Variants in CLCN5 observed in about 807,000 individuals in gnomAD.
The protein encoded by CLCN5 is H(+)/Cl(-) exchange transporter 5.
In CLCN5, 17 loss-of-function variants were observed where a neutral mutation model predicts 54.0. The ratio of observed to expected loss-of-function variants is 0.31; its 90% CI spans 0.22 to 0.47. The LOEUF (loss-of-function observed/expected upper bound fraction) is 0.47, where lower values mean the gene tolerates loss of function less well. Among genes scored for constraint, CLCN5 ranks in the 20% least tolerant of loss-of-function variants. The pLI is 1.00. For missense variants in CLCN5, 448 were observed against 646.7 expected (o/e 0.69, Z 3.33); for synonymous variants, 222 against 233.0 (o/e 0.95, Z 0.43).
At chrX:50,027,765 T>A (rs1199615571) in intron 3 of CLCN5, among the ~76,000 whole-genome samples, 1 of 110,321 alleles carries the variant, frequency 9.1e-6, no homozygotes, top group Admixed American at 9.7e-5. Flanking sequence ...TTGTATTTTT[T>A]TGTTGAAAGC....
rs781888075 is a variant in CLCN5 at position 50,007,397 on chromosome X, T to TTCTCTCTCTCTCTC, written c.17-34891_17-34878dup. On this transcript the variant is annotated intron_variant, in intron 3 of 14. Transcript: ENST00000376091. ...ATTTTCTGTCTCTCTCTCTCTCTCT[T>TTCTCTCTCTCTCTC]TCTCTCTCTCTCTCTCTCTCTCTCT... 1.7e-4 allele frequency among the ~76,000 whole-genome samples: 11 copies of TTCTCTCTCTCTCTC among 64,411 alleles called. No individual in the cohort carries two copies. In the East Asian group the frequency reaches 2.6e-3, roughly 15 times the overall value. The allele number at this position is 64,411 out of a possible 115,157, so 55.9% of individuals were successfully genotyped here.
At chrX:50,084,632 C>T (rs1414549736) in intron 9 of CLCN5, among the ~76,000 whole-genome samples, 1 of 112,000 alleles carries the variant, frequency 8.9e-6, no homozygotes, top group Non-Finnish European at 1.9e-5. Flanking sequence ...GATCCTCCTG[C>T]CTCAGCCTCC....
intron 3 of CLCN5, among the ~76,000 whole-genome samples, chrX:49,967,660 G>A (rs1477673714): frequency 1.2e-4 from 4 of 33,743 alleles, no homozygotes; most frequent in African/African-American, 1.1e-3. Context: ...TTGATGGGAC[G>A]TATTTCAAAA....
chrX:49,947,763 G>A (rs782125677), intron 3 of CLCN5, among the ~76,000 whole-genome samples: 4 of 110,660 alleles, frequency 3.6e-5, no homozygotes, highest in Admixed American at 9.6e-5. Context: ...TCTGGTCTTC[G>A]TTTGCTGTAT....
At chrX:49,987,637 G>A (rs1929048202) in intron 3 of CLCN5, among the ~76,000 whole-genome samples, 1 of 111,823 alleles carries the variant, frequency 8.9e-6, no homozygotes, top group South Asian at 3.8e-4. Context: ...GACCACTGGT[G>A]TTGTAATTGT....
chrX:50,069,559 T>TA, intron 4 of CLCN5: 2 of 795,139 alleles, frequency 2.5e-6, no homozygotes, highest in Non-Finnish European at 3.0e-6. Flanking sequence ...TAAACTGAAA[T>TA]ACCTAAGCTG....
At chrX:49,952,014 G>A (rs1569537108) in intron 3 of CLCN5, among the ~76,000 whole-genome samples, 3 of 112,428 alleles carry the variant, frequency 2.7e-5, no homozygotes, top group Non-Finnish European at 5.6e-5. Flanking sequence ...ACATATGCCT[G>A]TGCATATGTT....
Position 49,942,150 on chromosome X carries a change from T to TCAATA in CLCN5, c.16+16836_16+16837insCAATA, listed in dbSNP as rs1188795940. Among the ~76,000 whole-genome samples the TCAATA allele has an allele frequency of 2.0e-4, 14 of 71,309 alleles. 1 individual carries two copies. The highest frequency in any genetic ancestry group is 7.7e-4 in the African/African-American group (14 of 18,146). 61.9% of individuals were successfully genotyped at this position (71,309 alleles called of 115,157 possible). A position where few individuals can be genotyped will look rare whatever the true frequency, so the allele number is the denominator to read the frequency against. ...TTTTTAATCTTGATTAATGTTAAAT[T>TCAATA]AGAATGAATTCGAGTGGCATTCTTG... On this transcript the variant is annotated intron_variant, in intron 3 of 14. Coordinates refer to ENST00000376091, the MANE Select transcript of CLCN5 (RefSeq NM_001127898.4).
At chrX:49,966,604 T>A (rs1431838494) in intron 3 of CLCN5, among the ~76,000 whole-genome samples, 37 of 19,334 alleles carry the variant, frequency 1.9e-3, no homozygotes, top group Admixed American at 5.5e-3. Context: ...TTTTTTTTTT[T>A]TTTTTTTATT....
chrX:50,090,104 A>G lies in CLCN5; in HGVS notation c.1745-12A>G. The stretch of plus-strand genomic sequence containing the variant: ...TTGCCTACCTGAGTAGACTGTGTCT[A>G]TTTCTTTGCAGGTGGGGTGACTCGG... On this transcript the variant is annotated splice_polypyrimidine_tract_variant and intron_variant, in intron 12 of 14. Transcript: ENST00000376091. The G allele has an allele frequency of 3.3e-6, 4 of 1,208,777 alleles. No individual in the cohort carries two copies. The highest frequency in any genetic ancestry group is 1.7e-5 in the African/African-American group (1 of 57,591).
chrX:49,992,402 C>G, intron 3 of CLCN5, among the ~76,000 whole-genome samples: 1 of 110,504 alleles, frequency 9.0e-6, no homozygotes, highest in African/African-American at 3.3e-5. Context: ...TGCCTGTTTT[C>G]TCCTTAAAAG....
At chrX:50,051,963 A>G (rs1420721630) in intron 4 of CLCN5, among the ~76,000 whole-genome samples, 3 of 111,530 alleles carry the variant, frequency 2.7e-5, no homozygotes, top group Non-Finnish European at 5.7e-5. Context: ...CTACATAGAC[A>G]GTTATGTCAT....
At chrX:49,964,493 C>G (rs1439170001) in intron 3 of CLCN5, among the ~76,000 whole-genome samples, 1 of 110,969 alleles carries the variant, frequency 9.0e-6, no homozygotes, top group Non-Finnish European at 1.9e-5. Context: ...GTGTCTTGCC[C>G]AGGATTATGT....
intron 3 of CLCN5, among the ~76,000 whole-genome samples, chrX:50,015,717 C>T (rs1007672171): frequency 1.3e-4 from 14 of 110,333 alleles, no homozygotes; most frequent in African/African-American, 4.3e-4. Context: ...TCAGTTGTTA[C>T]TCTCTTCTTA....
chrX:50,055,471 C>T (rs1476744240), intron 4 of CLCN5, among the ~76,000 whole-genome samples: 2 of 111,564 alleles, frequency 1.8e-5, no homozygotes, highest in South Asian at 3.8e-4. Flanking sequence ...ACTGAATAAG[C>T]GTTCTTCCTC....
rs1333671097 is a variant in CLCN5 at position 50,093,370 on chromosome X, T to C, written c.*1151T>C. On this transcript the variant is annotated 3_prime_UTR_variant, in exon 15 of 15. Transcript: ENST00000376091. Reference sequence around the variant, plus strand: ...TGTCCCCATGATCATGAATTAGGCTTGGGATGCTTCCAAATATATTCAAGG... The same window carrying C: ...TGTCCCCATGATCATGAATTAGGCTCGGGATGCTTCCAAATATATTCAAGG... The C allele has an allele frequency of 1.8e-5, 2 of 112,114 alleles. No individual in the cohort carries two copies. The highest frequency in any genetic ancestry group is 3.8e-5 in the Non-Finnish European group (2 of 53,157). 9.2% of individuals were successfully genotyped at this position (112,114 alleles called of 1,213,427 possible).
chrX:49,947,421 G>A (rs1358660706), intron 3 of CLCN5, among the ~76,000 whole-genome samples: 4 of 110,320 alleles, frequency 3.6e-5, no homozygotes, highest in Non-Finnish European at 5.7e-5. Flanking sequence ...GTCTGGGCTC[G>A]AGTAGAGATT....
At chrX:50,007,385 C>T (rs1310566388) in intron 3 of CLCN5, among the ~76,000 whole-genome samples, 6 of 97,361 alleles carry the variant, frequency 6.2e-5, no homozygotes, top group Non-Finnish European at 1.2e-4. Flanking sequence ...TTCTGTCTCT[C>T]TCTCTCTCTC....
At chrX:50,067,700 A>G (rs1933079837) in intron 4 of CLCN5, 2 of 754,234 alleles carry the variant, frequency 2.7e-6, no homozygotes, top group Non-Finnish European at 3.1e-6. Context: ...TGAATGACCA[A>G]ATGCGGGCTG....
Sources: allele counts gnomAD v4.1 joint callset (sites outside exome capture counted in the v4.1 genomes callset), GRCh38; gene constraint gnomAD v4.1.1; transcripts MANE v1.5; gene names NCBI Gene and HGNC (gene_info 2026-07-23, HGNC 2026-07-21).